The following PTPRN2 variants were observed in gnomAD, a reference collection of about 807,000 sequenced individuals.
PTPRN2 encodes the protein receptor-type tyrosine-protein phosphatase N2.
Under a neutral mutation model 118.8 loss-of-function variants are expected in PTPRN2, and 74 were observed. The observed-to-expected ratio is 0.62, with a 90% CI of 0.52 to 0.76. The LOEUF is 0.76. Ranked by LOEUF, PTPRN2 falls within the 30% of genes least tolerant of loss-of-function variation. The pLI is 0.00. For missense variants in PTPRN2, 1,481 were observed against 1,394.4 expected, an observed-to-expected ratio of 1.06 and a Z score of -0.99; for synonymous variants, 641 against 608.0, an observed-to-expected ratio of 1.05 and a Z score of -0.80.
At chr7:158,495,996 C>T (rs557866241) in intron 1 of PTPRN2, among the ~76,000 whole-genome samples, 8 of 152,126 alleles carry the variant, frequency 5.3e-5, no homozygotes, top group African/African-American at 1.4e-4. Context: ...GGCCTGATTG[C>T]CCATCCCTGA....
intron 3 of PTPRN2, among the ~76,000 whole-genome samples, chr7:158,279,091 G>C (rs925631492): frequency 6.6e-6 from 1 of 152,290 alleles, no homozygotes; most frequent in African/African-American, 2.4e-5. Context: ...TCCACACTGT[G>C]GAATGGGACC....
At chr7:158,135,431 T>C (rs1162986979) in intron 8 of PTPRN2, among the ~76,000 whole-genome samples, 4 of 150,504 alleles carry the variant, frequency 2.7e-5, no homozygotes, top group African/African-American at 7.3e-5. Flanking sequence ...TTGTGTTTCA[T>C]GTGAGAAGAA....
At chr7:157,689,013 G>A (rs1797334720) in intron 12 of PTPRN2, among the ~76,000 whole-genome samples, 2 of 152,184 alleles carry the variant, frequency 1.3e-5, no homozygotes, top group South Asian at 2.1e-4. Context: ...AGAGCGCGCC[G>A]GCCGCGAGGG....
chr7:158,108,488 A>G (rs796812744), intron 10 of PTPRN2, among the ~76,000 whole-genome samples: 7 of 152,180 alleles, frequency 4.6e-5, no homozygotes, highest in African/African-American at 1.7e-4. Context: ...ACCCCATTTC[A>G]GGGAAACCCC....
At chr7:157,589,195 G>A (rs2150551831) in intron 17 of PTPRN2, among the ~76,000 whole-genome samples, 1 of 152,328 alleles carries the variant, frequency 6.6e-6, no homozygotes, top group East Asian at 1.9e-4. Context: ...GGGACCCCAT[G>A]AGGTGGAATG....
At chr7:158,330,759 T>G (rs534029630) in intron 2 of PTPRN2, among the ~76,000 whole-genome samples, 3 of 112,250 alleles carry the variant, frequency 2.7e-5, no homozygotes, top group Non-Finnish European at 3.9e-5. Flanking sequence ...ACTCTCACCA[T>G]AAGAGCTGAC....
chr7:157,677,256 T>C (rs529308612), intron 13 of PTPRN2, among the ~76,000 whole-genome samples: 1 of 152,342 alleles, frequency 6.6e-6, no homozygotes, highest in African/African-American at 2.4e-5. Context: ...CCACATTTTA[T>C]GTCTCAGACT....
chr7:157,659,575 G>A (rs1163594124), intron 13 of PTPRN2, among the ~76,000 whole-genome samples: 1 of 151,748 alleles, frequency 6.6e-6, no homozygotes, highest in Admixed American at 6.6e-5. Context: ...AGAAAAGGGA[G>A]AGTTCCAGTT....
At position 157,629,129 on chromosome 7, in the gene PTPRN2, C is replaced by T. The variant is rs1468465081; in HGVS notation, c.2197-7620G>A. ...GCCACCTCTGAGTACTGGGGTAGTGCATCTGGAGACTTGTAAAGGGTCCAG... is the reference window on the plus strand; with the variant it reads ...GCCACCTCTGAGTACTGGGGTAGTGTATCTGGAGACTTGTAAAGGGTCCAG... On this transcript the variant is annotated intron_variant, in intron 14 of 22. Transcript: ENST00000389418. The surrounding 1 kb of genome is among the most constrained non-coding windows in gnomAD (Gnocchi z 4.4). Among the ~76,000 whole-genome samples the T allele has an allele frequency of 1.3e-5, 2 of 152,100 alleles. No homozygotes were observed. The highest frequency in any genetic ancestry group is 4.8e-5 in the African/African-American group (2 of 41,394).
At chr7:157,941,119 C>T (rs113958374) in intron 11 of PTPRN2, among the ~76,000 whole-genome samples, 2,918 of 35,916 alleles carry the variant, frequency 0.081, 455 homozygotes, top group African/African-American at 0.22. Context: ...CACCCTCCCC[C>T]GTGACACTGC....
rs778103659 is a variant in PTPRN2, at chr7:158,361,220, G to A, written c.164-44288C>T. On this transcript the variant is annotated intron_variant, in intron 2 of 22. Coordinates refer to ENST00000389418, the MANE Select transcript of PTPRN2 (RefSeq NM_002847.5). Reference sequence around the variant, plus strand: ...CACCCTGGCAACCCACAGACCCCGCGTCCACCCTCACCTGGGGTGACCCAC... The same window carrying A: ...CACCCTGGCAACCCACAGACCCCGCATCCACCCTCACCTGGGGTGACCCAC... Among the ~76,000 whole-genome samples the A allele has an allele frequency of 2.3e-4, 2 of 8,532 alleles. 1 individual carries two copies. The highest frequency in any genetic ancestry group is 2.1e-3 in the East Asian group (2 of 942). 5.6% of individuals were successfully genotyped at this position (8,532 alleles called of 152,430 possible). A position where few individuals can be genotyped will look rare whatever the true frequency, so the allele number is the denominator to read the frequency against.
At chr7:158,395,341 G>C (rs1328364399) in intron 2 of PTPRN2, among the ~76,000 whole-genome samples, 51 of 37,710 alleles carry the variant, frequency 1.4e-3, no homozygotes, top group Admixed American at 1.9e-3. Context: ...GGCGAGGCGC[G>C]AGGGGCCAGG....
rs1174838390 is a variant in PTPRN2, at chr7:158,151,510, C to CCCCTGCCCACATCACCCGCCTTTCTAT, written c.911-12996_911-12995insATAGAAAGGCGGGTGATGTGGGCAGGG. ...CCTGCCCACACCGCCCGCCTTTCTG[C>CCCCTGCCCACATCACCCGCCTTTCTAT]TCCTCACCGCACGTCCTACTCCAGG... On this transcript the variant is annotated intron_variant, in intron 6 of 22. Transcript: ENST00000389418. Among the ~76,000 whole-genome samples, 11 of 20,630 alleles carry CCCCTGCCCACATCACCCGCCTTTCTAT rather than the reference C, an allele frequency of 5.3e-4. 2 individuals carry two copies. In the East Asian group the frequency reaches 5.7e-3, roughly 11 times the overall value. 13.5% of individuals were successfully genotyped at this position (20,630 alleles called of 152,430 possible).
At chr7:157,636,584 T>C (rs1804333206) in intron 14 of PTPRN2, among the ~76,000 whole-genome samples, 1 of 152,278 alleles carries the variant, frequency 6.6e-6, no homozygotes, top group Admixed American at 6.5e-5. Flanking sequence ...TTCTGCCTTT[T>C]AGAAGTTTCA....
chr7:158,255,560 A>G (rs373874887), intron 3 of PTPRN2, among the ~76,000 whole-genome samples: 47 of 150,430 alleles, frequency 3.1e-4, no homozygotes, highest in African/African-American at 8.1e-4. Flanking sequence ...ATGTGTGTAC[A>G]GAGAATTACA....
chr7:157,553,095 G>C (rs1047703863), intron 21 of PTPRN2, among the ~76,000 whole-genome samples: 2 of 152,148 alleles, frequency 1.3e-5, no homozygotes, highest in African/African-American at 2.4e-5. Context: ...TGAACCTCAG[G>C]AGAAGCAAGT....
chr7:157,610,565 G>C lies in PTPRN2; in HGVS notation c.2345-6490C>G, dbSNP rs932196476. 6.6e-6 allele frequency among the ~76,000 whole-genome samples: 1 copy of C among 152,186 alleles called. No homozygotes were observed. Among genetic ancestry groups the C allele is most frequent in the African/African-American group, 2.4e-5 (1 of 41,432 alleles). ...TCTGAGGGCTGCAAAGGCACATCCC[G>C]GGGCTGCTGGCCGTCAGCAAGGGCC... On this transcript the variant is annotated intron_variant, in intron 15 of 22. Transcript: ENST00000389418. This position sits in a 1 kb window ranked among gnomAD's most constrained non-coding sequence, Gnocchi z 5.1.
intron 11 of PTPRN2, among the ~76,000 whole-genome samples, chr7:157,928,039 C>T (rs1354302868): frequency 1.3e-5 from 2 of 152,138 alleles, no homozygotes; most frequent in Non-Finnish European, 2.9e-5. Context: ...TTATAGAGCA[C>T]TTACTGGGAA....
intron 11 of PTPRN2, among the ~76,000 whole-genome samples, chr7:158,018,638 C>G (rs1222157661): frequency 6.6e-6 from 1 of 152,098 alleles, no homozygotes; most frequent in Non-Finnish European, 1.5e-5. Context: ...GGTTCCTAAC[C>G]AAACGTTCAG....
Sources: allele counts gnomAD v4.1 joint callset (sites outside exome capture counted in the v4.1 genomes callset), GRCh38; gene constraint gnomAD v4.1.1; non-coding constraint Gnocchi (gnomAD v3.1); transcripts MANE v1.5; gene names NCBI Gene and HGNC (gene_info 2026-07-23, HGNC 2026-07-21).